The following HSPA12A variants were observed in gnomAD, a reference collection of about 807,000 sequenced individuals.
HSPA12A encodes heat shock 70 kDa protein 12A.
Under a neutral mutation model 69.2 loss-of-function variants are expected in HSPA12A, and 28 were observed. The observed-to-expected ratio is 0.40, with a 90% confidence interval of 0.30 to 0.55. HSPA12A has a LOEUF of 0.55. Ranked by LOEUF, HSPA12A falls within the 20% of genes least tolerant of loss-of-function variation. The pLI is 0.38. For missense variants in HSPA12A, 686 were observed against 900.7 expected (o/e 0.76, Z 3.05); for synonymous variants, 345 against 370.5 (o/e 0.93, Z 0.79).
intron 2 of HSPA12A, among the ~76,000 whole-genome samples, chr10:116,822,427 C>T (rs940024358): frequency 6.6e-6 from 1 of 152,198 alleles, no homozygotes; most frequent in Admixed American, 6.5e-5. Flanking sequence ...CAGGAATCAC[C>T]AGGACGCCCT....
At chr10:116,849,724 G>A in exon 1 of HSPA12A, 1 of 1,522,970 alleles carries the variant, frequency 6.6e-7, no homozygotes. Context: ...GACGTCTACG[G>A]GCACCTGGTA....
At chr10:116,742,308 A>G in intron 1 of HSPA12A, 122 bp downstream of exon 1, 1 of 1,053,950 alleles carries the variant, frequency 9.5e-7, no homozygotes, top group Non-Finnish European at 1.2e-6. Flanking sequence ...CCAGAACTGG[A>G]TGCAGCGCGG....
intron 2 of HSPA12A, among the ~76,000 whole-genome samples, chr10:116,767,252 G>A (rs369973954): frequency 2.0e-5 from 3 of 152,162 alleles, no homozygotes; most frequent in East Asian, 1.9e-4. Flanking sequence ...CCTGGGCCAC[G>A]GAGACTGGAA....
intron 2 of HSPA12A, among the ~76,000 whole-genome samples, chr10:116,791,798 T>C (rs1359827259): frequency 6.6e-6 from 1 of 151,946 alleles, no homozygotes; most frequent in Non-Finnish European, 1.5e-5. Context: ...ACCTCTCCTC[T>C]TCCACGGGCA....
intron 6 of HSPA12A, among the ~76,000 whole-genome samples, chr10:116,689,795 A>G (rs1849683095): frequency 7.0e-5 from 1 of 14,340 alleles, no homozygotes; most frequent in Non-Finnish European, 1.3e-4. Flanking sequence ...GTCCAAAGGC[A>G]GGGGAAAAAA....
chr10:116,698,031 T>C (rs1255630540), intron 5 of HSPA12A: 1 of 104,246 alleles, frequency 9.6e-6, no homozygotes, highest in African/African-American at 2.8e-5. Flanking sequence ...ATGAATAACA[T>C]TCATTGTAAG....
intron 2 of HSPA12A, among the ~76,000 whole-genome samples, chr10:116,801,969 T>C (rs760342425): frequency 1.3e-5 from 2 of 152,102 alleles, no homozygotes; most frequent in Non-Finnish European, 2.9e-5. Context: ...GAGTCTAAAA[T>C]CATTTCAAAA....
intron 2 of HSPA12A, among the ~76,000 whole-genome samples, chr10:116,807,868 A>T (rs778589672): frequency 7.2e-5 from 11 of 152,138 alleles, no homozygotes; most frequent in Admixed American, 2.6e-4. Flanking sequence ...ATCATTCTTC[A>T]ATCAGGACAT....
chr10:116,696,708 T>C (rs191268267), intron 5 of HSPA12A, among the ~76,000 whole-genome samples: 3 of 152,266 alleles, frequency 2.0e-5, no homozygotes, highest in African/African-American at 7.2e-5. Context: ...AAAAGTTCCT[T>C]GGCTTGGCAT....
intron 1 of HSPA12A, among the ~76,000 whole-genome samples, chr10:116,838,431 GA>G (rs111285660): frequency 0.04 from 6,100 of 152,234 alleles, 395 homozygotes; most frequent in African/African-American, 0.14. Flanking sequence ...TGGAGGGGGG[GA>G]AAACAGAACA....
intron 3 of HSPA12A, among the ~76,000 whole-genome samples, chr10:116,703,865 C>A (rs995042050): frequency 1.3e-5 from 2 of 152,328 alleles, no homozygotes; most frequent in South Asian, 4.1e-4. Flanking sequence ...GCCTATGGGG[C>A]CACTTGGCTG....
chr10:116,721,789 C>A (rs1850786587), intron 1 of HSPA12A, among the ~76,000 whole-genome samples: 1 of 152,164 alleles, frequency 6.6e-6, no homozygotes, highest in South Asian at 2.1e-4. Flanking sequence ...TGTTTAGGGG[C>A]CCTGGGAGGC....
chr10:116,681,334 T>C (rs2133365956), intron 8 of HSPA12A, 78 bp from the exon 9 acceptor site: 1 of 1,133,014 alleles, frequency 8.8e-7, no homozygotes, highest in Non-Finnish European at 1.3e-6. Context: ...GGTAACTAGG[T>C]AGACCCAGCT....
At chr10:116,762,780 C>T (rs191052083) in intron 2 of HSPA12A, among the ~76,000 whole-genome samples, 7 of 152,224 alleles carry the variant, frequency 4.6e-5, no homozygotes, top group South Asian at 4.2e-4. Flanking sequence ...GATGGAGTTT[C>T]GCCATGTTGG....
At chr10:116,709,422 T>G (rs1216512190) in intron 1 of HSPA12A, among the ~76,000 whole-genome samples, 1 of 137,372 alleles carries the variant, frequency 7.3e-6, no homozygotes, top group East Asian at 2.2e-4. Context: ...CACTCCAGCC[T>G]GGTGACAGAG....
chr10:116,705,129 C>T (rs1850201173), intron 3 of HSPA12A, 22 bp downstream of exon 3: 5 of 1,613,094 alleles, frequency 3.1e-6, no homozygotes, highest in Non-Finnish European at 4.2e-6. Context: ...AGCCACGTGG[C>T]CCTCCCACCC....
chr10:116,800,215 A>G (rs1220491350), intron 2 of HSPA12A, among the ~76,000 whole-genome samples: 2 of 152,146 alleles, frequency 1.3e-5, no homozygotes, highest in Non-Finnish European at 2.9e-5. Flanking sequence ...TCATTCCCTT[A>G]GCACCAAGTT....
chr10:116,783,325 G>T (rs1285556087), intron 2 of HSPA12A, among the ~76,000 whole-genome samples: 1 of 152,240 alleles, frequency 6.6e-6, no homozygotes, highest in Middle Eastern at 3.2e-3. Context: ...CTGGATGGCA[G>T]AAGGTGGCCT....
At chr10:116,824,661 G>T (rs1312588566) in intron 2 of HSPA12A, among the ~76,000 whole-genome samples, 1 of 152,222 alleles carries the variant, frequency 6.6e-6, no homozygotes, top group South Asian at 2.1e-4. Flanking sequence ...TTGAGATGGA[G>T]TCTTGCTCTG....
Sources: allele counts gnomAD v4.1 joint callset (sites outside exome capture counted in the v4.1 genomes callset), GRCh38; gene constraint gnomAD v4.1.1; transcripts MANE v1.5; gene names NCBI Gene and HGNC (gene_info 2026-07-23, HGNC 2026-07-21).